The following ABCA9 variants were observed in gnomAD, a reference collection of about 807,000 sequenced individuals.
The protein encoded by ABCA9 is ATP binding cassette subfamily A member 9.
Under a neutral mutation model 205.3 loss-of-function variants are expected in ABCA9, and 183 were observed. The observed-to-expected ratio is 0.89, with a 90% CI of 0.79 to 1.01. ABCA9 has a LOEUF of 1.01. Ranked by LOEUF, ABCA9 falls within the 50% of genes least tolerant of loss-of-function variation. ABCA9 has a pLI of 0.00. For missense variants in ABCA9, 1,805 were observed against 1,912.4 expected (o/e 0.94, Z 1.05); for synonymous variants, 651 against 683.3 (o/e 0.95, Z 0.74).
At chr17:69,026,075 C>G (rs1215827205) in intron 16 of ABCA9, among the ~76,000 whole-genome samples, 1 of 151,994 alleles carries the variant, frequency 6.6e-6, no homozygotes, top group Admixed American at 6.6e-5. Flanking sequence ...AATAAAACAT[C>G]TAAAATATGA....
intron 28 of ABCA9, 52 bp downstream of exon 28, chr17:68,992,123 T>A (rs2069471227): frequency 7.6e-7 from 1 of 1,322,996 alleles, no homozygotes; most frequent in African/African-American, 1.5e-5. Context: ...TAAAAAGTCC[T>A]TAAAGAATGA....
At chr17:69,009,120 T>C (rs17684420) in intron 23 of ABCA9, among the ~76,000 whole-genome samples, 2,465 of 150,340 alleles carry the variant, frequency 0.016, 28 homozygotes, top group Non-Finnish European at 0.024. Context: ...TGGCTTCATA[T>C]TGGTCACGGG....
chr17:69,016,703 G>A (rs1310024292), intron 21 of ABCA9, among the ~76,000 whole-genome samples: 1 of 152,036 alleles, frequency 6.6e-6, no homozygotes, highest in Non-Finnish European at 1.5e-5. Context: ...GTTTAACCTG[G>A]CTATAGACTT....
chr17:69,012,243 G>T (rs1400439782), intron 22 of ABCA9, 160 bp from the exon 23 acceptor site: 2 of 522,352 alleles, frequency 3.8e-6, no homozygotes, highest in Non-Finnish European at 6.7e-6. Context: ...TTTCAATCCT[G>T]TATTGCAGCA....
the ABCA9 span, among the ~76,000 whole-genome samples, chr17:69,071,342 C>T: frequency 6.6e-6 from 1 of 152,142 alleles, no homozygotes; most frequent in East Asian, 1.9e-4. Context: ...TACAGAAGAG[C>T]TTCAGCTGGC....
intron 6 of ABCA9, chr17:69,043,249 A>C: frequency 2.4e-6 from 1 of 410,354 alleles, no homozygotes; most frequent in Non-Finnish European, 4.4e-6. Context: ...TAACGTGGCT[A>C]TTCTGACAGG....
intron 23 of ABCA9, 147 bp downstream of exon 23, chr17:69,011,829 T>C: frequency 2.0e-6 from 1 of 490,362 alleles, no homozygotes; most frequent in Non-Finnish European, 3.5e-6. Flanking sequence ...TTTCTTCATA[T>C]TTGACAATTA....
chr17:69,012,356 A>T, intron 22 of ABCA9: 2 of 305,690 alleles, frequency 6.5e-6, no homozygotes, highest in Non-Finnish European at 1.2e-5. Flanking sequence ...CTTGTAAGGT[A>T]GGCATGAAAC....
chr17:68,980,537 C>A (rs374618258), intron 37 of ABCA9, among the ~76,000 whole-genome samples: 5 of 152,124 alleles, frequency 3.3e-5, no homozygotes, highest in South Asian at 2.1e-4. Flanking sequence ...AACCAACCCA[C>A]ATGTCCAACA....
At chr17:68,987,670 G>A (rs1276067259) in intron 31 of ABCA9, among the ~76,000 whole-genome samples, 1 of 152,096 alleles carries the variant, frequency 6.6e-6, no homozygotes, top group Non-Finnish European at 1.5e-5. Context: ...TTGCAGCCAT[G>A]GTAAAGATTT....
intron 3 of ABCA9, among the ~76,000 whole-genome samples, chr17:69,045,786 C>T (rs1002663963): frequency 2.6e-5 from 4 of 152,106 alleles, no homozygotes; most frequent in African/African-American, 9.7e-5. Flanking sequence ...CATCAGATTT[C>T]ATGAGAACTC....
At chr17:69,016,123 T>TAC (rs145740691) in intron 22 of ABCA9, 130 bp downstream of exon 22, 2,966 of 106,524 alleles carry the variant, frequency 0.028, 102 homozygotes, top group East Asian at 0.19. Flanking sequence ...TATATATATA[T>TAC]ACACACACAC....
At chr17:69,007,615 T>G (rs1175635201) in intron 25 of ABCA9, 144 bp downstream of exon 25, 1 of 588,370 alleles carries the variant, frequency 1.7e-6, no homozygotes, top group African/African-American at 1.9e-5. Flanking sequence ...TAGAGTAGAC[T>G]TTAAATAGTA....
intron 37 of ABCA9, 68 bp downstream of exon 37, chr17:68,982,494 T>C: frequency 3.4e-6 from 4 of 1,186,898 alleles, no homozygotes; most frequent in Non-Finnish European, 5.0e-6. Flanking sequence ...ATTTTTAAAA[T>C]ACTGGTTCTA....
chr17:69,000,464 C>G (rs2144107831), intron 25 of ABCA9, among the ~76,000 whole-genome samples: 1 of 151,994 alleles, frequency 6.6e-6, no homozygotes, highest in Admixed American at 6.6e-5. Context: ...TCTGAGGGCT[C>G]TGTTCTGTTC....
chr17:68,984,610 G>T (rs1407923695), intron 34 of ABCA9, among the ~76,000 whole-genome samples: 1 of 152,168 alleles, frequency 6.6e-6, no homozygotes, highest in African/African-American at 2.4e-5. Context: ...GTTGCAGAAA[G>T]ATTTAAAGCT....
intron 17 of ABCA9, 112 bp downstream of exon 17, chr17:69,024,095 GAGTAAAC>G: frequency 9.1e-7 from 1 of 1,093,464 alleles, no homozygotes; most frequent in South Asian, 1.5e-5. Flanking sequence ...AATATTAAAT[GAGTAAAC>G]GCATTGTGCC....
chr17:69,071,654 G>C, the ABCA9 span, among the ~76,000 whole-genome samples: 1 of 152,144 alleles, frequency 6.6e-6, no homozygotes, highest in African/African-American at 2.4e-5. Flanking sequence ...GTGTAAAAAG[G>C]CTGAAAATTC....
Position 69,016,409 on chromosome 17 carries a change from C to T in ABCA9, c.2902-19G>A. ...TGTGATCCTGAAATACAACAAGTACCAATTCGAAGTCTTCATAAAGCAAAG... is the reference window on the plus strand; with the variant it reads ...TGTGATCCTGAAATACAACAAGTACTAATTCGAAGTCTTCATAAAGCAAAG... On this transcript the variant is annotated intron_variant, in intron 21 of 38. Coordinates refer to ENST00000340001, the MANE Select transcript of ABCA9 (RefSeq NM_080283.4). The T allele has an allele frequency of 1.3e-6, 2 of 1,554,514 alleles. No homozygotes were observed. The highest frequency in any genetic ancestry group is 1.7e-6 in the Non-Finnish European group (2 of 1,157,074).
Sources: gnomAD v4.1 joint callset for allele counts (sites outside exome capture counted in the v4.1 genomes callset) on GRCh38, gnomAD v4.1.1 for gene constraint, MANE v1.5 for transcripts, NCBI Gene and HGNC (gene_info 2026-07-23, HGNC 2026-07-21) for gene names.